The following FASTKD1 variants were observed in gnomAD, a reference collection of about 807,000 sequenced individuals.
The protein encoded by FASTKD1 is FAST kinase domains 1.
Under a neutral mutation model 90.9 loss-of-function variants are expected in FASTKD1, and 94 were observed. The observed-to-expected ratio is 1.03, with a 90% CI of 0.88 to 1.23. The LOEUF (loss-of-function observed/expected upper bound fraction) is 1.23, where lower values mean the gene tolerates loss of function less well. FASTKD1 is among the 50% of genes most tolerant of loss of function. The pLI, the probability that FASTKD1 is intolerant of heterozygous loss-of-function variation, is 0.00. For missense variants in FASTKD1, 945 were observed against 993.5 expected, an observed-to-expected ratio of 0.95 and a Z score of 0.66; for synonymous variants, 319 against 345.8, an observed-to-expected ratio of 0.92 and a Z score of 0.86.
intron 2 of FASTKD1, 36 bp downstream of exon 2, chr2:169,571,617 T>G (rs4668146): frequency 0.39 from 487,336 of 1,257,464 alleles, 97,725 homozygotes; most frequent in Admixed American, 0.48. Flanking sequence ...GTAAACTATA[T>G]AATCATTCCA....
chr2:169,542,645 G>A (rs1034935002), intron 9 of FASTKD1, among the ~76,000 whole-genome samples: 10 of 152,056 alleles, frequency 6.6e-5, no homozygotes, highest in Non-Finnish European at 1.2e-4. Flanking sequence ...TGGGAGGACC[G>A]CTTGAGCCCA....
At chr2:169,552,707 C>T (rs1213619098) in intron 7 of FASTKD1, among the ~76,000 whole-genome samples, 4 of 152,046 alleles carry the variant, frequency 2.6e-5, no homozygotes, top group African/African-American at 4.8e-5. Context: ...TACGCAAAGG[C>T]ATACAGAGTG....
At position 169,560,412 on chromosome 2, in the gene FASTKD1, T is replaced by C. The variant is rs1683528465; in HGVS notation, c.946A>G (p.Ile316Val). ...TGTTTCTTTTCTTCAGGTCCTGCAA[T>C]GGGTCCCAATGCTACAAACAATTTT... ...FVKLFVALGPIAGPEEKKQLK... is the reference protein window; with the variant it reads ...FVKLFVALGPVAGPEEKKQLK... The change falls in exon 5 of 15, where the codon ATT becomes GTT. Residue 316 changes from isoleucine to valine, a missense_variant. Transcript: ENST00000453153. 6.5e-7 allele frequency: 1 copy of C among 1,548,338 alleles called. No homozygotes were observed. Among genetic ancestry groups the C allele is most frequent in the South Asian group, 1.3e-5 (1 of 78,888 alleles).
rs747327499 is a variant in FASTKD1, at chr2:169,546,373, G to T, written c.1546C>A (p.Leu516Ile). Residue 516 changes from leucine (L) to isoleucine (I), a missense_variant, in exon 8 of 15, where the codon CTT becomes ATT. By Grantham distance (5) the Leu-to-Ile change is conservative. Transcript: ENST00000453153. ...SLKGNTFPES[L>I]LEEMIATLQH... is the part of the protein sequence containing the mutation. ...AAAGTAGCAATCATTTCTTCAAGAA[G>T]TGACTCAGGAAACGTGTTTCCTTTG... 1 of 1,614,072 alleles carries T rather than the reference G, an allele frequency of 6.2e-7. No individual in the cohort carries two copies. The highest frequency in any genetic ancestry group is 2.2e-5 in the East Asian group (1 of 44,876).
chr2:169,538,282 C>G, intron 10 of FASTKD1, 141 bp from the exon 11 acceptor site: 1 of 682,236 alleles, frequency 1.5e-6, no homozygotes, highest in Non-Finnish European at 2.4e-6. Flanking sequence ...TTCTAATTTA[C>G]AAATGTATGC....
At chr2:169,562,067 TGTAAAATAA>T (rs1481037243) in intron 4 of FASTKD1, among the ~76,000 whole-genome samples, 4 of 131,846 alleles carry the variant, frequency 3.0e-5, no homozygotes, top group Admixed American at 8.2e-5. Context: ...ATTAATTTAT[TGTAAAATAA>T]TTATTTATTA....
chr2:169,567,590 A>T (rs1048393629), intron 3 of FASTKD1, among the ~76,000 whole-genome samples: 14 of 152,224 alleles, frequency 9.2e-5, no homozygotes, highest in African/African-American at 3.4e-4. Flanking sequence ...CCATGTAATA[A>T]AGGCCTACAG....
intron 6 of FASTKD1, among the ~76,000 whole-genome samples, chr2:169,556,358 C>A (rs574154253): frequency 1.3e-5 from 2 of 150,816 alleles, no homozygotes; most frequent in Admixed American, 1.3e-4. Flanking sequence ...ATCAATTGAG[C>A]CTGGGAGGTG....
intron 12 of FASTKD1, among the ~76,000 whole-genome samples, chr2:169,535,464 A>T (rs2460861): frequency 4.4e-4 from 66 of 149,732 alleles, no homozygotes; most frequent in Middle Eastern, 3.5e-3. Flanking sequence ...TTATTTATTT[A>T]TTATTTGTTT....
At chr2:169,557,962 C>T (rs1283128653) in intron 5 of FASTKD1, among the ~76,000 whole-genome samples, 2 of 152,156 alleles carry the variant, frequency 1.3e-5, no homozygotes, top group Admixed American at 1.3e-4. Context: ...TCCTTTCCAC[C>T]AACCTTTTCA....
Position 169,546,355 on chromosome 2 carries a change from C to A in FASTKD1, c.1564G>T (p.Ala522Ser). The change falls in exon 8 of 15, where the codon GCT becomes TCT. Residue 522 changes from alanine to serine, a missense_variant. Physicochemically the swap from Ala to Ser is moderately conservative, Grantham distance 99. Coordinates refer to ENST00000453153, the MANE Select transcript of FASTKD1 (RefSeq NM_024622.6). ...TCATCCATGAAATGCTGTAAAGTAG[C>A]AATCATTTCTTCAAGAAGTGACTCA... ...FPESLLEEMIATLQHFMDDIN... is the reference protein window; with the variant it reads ...FPESLLEEMISTLQHFMDDIN... 1 of 1,614,074 alleles carries A rather than the reference C, an allele frequency of 6.2e-7. No individual in the cohort carries two copies. The highest frequency in any genetic ancestry group is 8.5e-7 in the Non-Finnish European group (1 of 1,179,970).
At chr2:169,561,744 C>CATTATAAATTAATTATTAATTT (rs1683620311) in intron 4 of FASTKD1, among the ~76,000 whole-genome samples, 1 of 72,946 alleles carries the variant, frequency 1.4e-5, no homozygotes, top group Admixed American at 1.5e-4. Flanking sequence ...ATTAATTATT[C>CATTATAAATTAATTATTAATTT]ATTATAAATT....
At chr2:169,538,242 T>C in intron 10 of FASTKD1, 101 bp from the exon 11 acceptor site, 2 of 932,714 alleles carry the variant, frequency 2.1e-6, no homozygotes, top group Non-Finnish European at 3.2e-6. Context: ...TAGATGCTTT[T>C]ATTCTAACAG....
At chr2:169,539,304 G>A (rs1367337569) in intron 10 of FASTKD1, among the ~76,000 whole-genome samples, 1 of 150,642 alleles carries the variant, frequency 6.6e-6, no homozygotes, top group Non-Finnish European at 1.5e-5. Flanking sequence ...AGAAAGAAAT[G>A]TAAAATAAAA....
chr2:169,550,504 G>A (rs1192385461), intron 7 of FASTKD1, among the ~76,000 whole-genome samples: 1 of 151,704 alleles, frequency 6.6e-6, no homozygotes, highest in Non-Finnish European at 1.5e-5. Flanking sequence ...TTAGAGATAG[G>A]GTCTCACTCT....
In FASTKD1 at chr2:169,561,822, TTTA is replaced by T. The variant is rs1387818214; in HGVS notation, c.573-1040_573-1038del. 3.4e-3 allele frequency among the ~76,000 whole-genome samples: 409 copies of T among 119,698 alleles called. 3 individuals are homozygous for T. Among genetic ancestry groups the T allele is most frequent in the African/African-American group, 0.011 (382 of 35,464 alleles). 78.5% of individuals were successfully genotyped at this position (119,698 alleles called of 152,430 possible). ...TTATTTATTAATTTATTGTAAATTA[TTTA>T]TTAATTTATTGTAAATTATTTATTA... On this transcript the variant is annotated intron_variant, in intron 4 of 14. Transcript: ENST00000453153.
At chr2:169,549,349 G>A (rs1173466104) in intron 7 of FASTKD1, among the ~76,000 whole-genome samples, 1 of 151,980 alleles carries the variant, frequency 6.6e-6, no homozygotes, top group African/African-American at 2.4e-5. Flanking sequence ...GTTGCGGTGA[G>A]CCGAGATTGT....
At chr2:169,543,705 C>T (rs1191470926) in intron 9 of FASTKD1, among the ~76,000 whole-genome samples, 3 of 151,890 alleles carry the variant, frequency 2.0e-5, no homozygotes, top group African/African-American at 7.3e-5. Flanking sequence ...TACTCAATCA[C>T]GACTGTGGGG....
intron 9 of FASTKD1, among the ~76,000 whole-genome samples, chr2:169,541,977 T>C (rs1684976443): frequency 6.6e-6 from 1 of 152,158 alleles, no homozygotes; most frequent in Non-Finnish European, 1.5e-5. Context: ...TCCCTAACTC[T>C]TGACATGCAT....
Sources: gnomAD v4.1 joint callset for allele counts (sites outside exome capture counted in the v4.1 genomes callset) on GRCh38, gnomAD v4.1.1 for gene constraint, MANE v1.5 for transcripts, NCBI Gene and HGNC (gene_info 2026-07-23, HGNC 2026-07-21) for gene names.